Variants in ASTN1 observed in about 807,000 individuals in gnomAD.
ASTN1 encodes astrotactin-1.
ASTN1 carries 41 observed loss-of-function variants against 140.7 expected under a neutral mutation model. The observed-to-expected ratio is 0.29, with a 90% confidence interval of 0.23 to 0.38. The LOEUF (loss-of-function observed/expected upper bound fraction) is 0.38, where lower values mean the gene tolerates loss of function less well. Among genes scored for constraint, ASTN1 ranks in the 10% least tolerant of loss-of-function variants. ASTN1 has a pLI of 1.00. For missense variants in ASTN1, 1,479 were observed against 1,678.8 expected (o/e 0.88, Z 2.08); for synonymous variants, 640 against 652.2 (o/e 0.98, Z 0.29).
chr1:176,917,465 G>A (rs1571506355), intron 16 of ASTN1, among the ~76,000 whole-genome samples: 2 of 152,272 alleles, frequency 1.3e-5, no homozygotes, highest in Middle Eastern at 3.4e-3. Flanking sequence ...GTGGGAAGAC[G>A]TGCTTATCCT....
At chr1:177,127,503 G>A (rs1028644784) in intron 1 of ASTN1, among the ~76,000 whole-genome samples, 3 of 152,052 alleles carry the variant, frequency 2.0e-5, no homozygotes, top group South Asian at 2.1e-4. Context: ...CACCCACCAC[G>A]TCCATTGGGG....
chr1:176,971,129 T>G (rs1374358687), intron 8 of ASTN1, among the ~76,000 whole-genome samples: 1 of 152,058 alleles, frequency 6.6e-6, no homozygotes, highest in East Asian at 1.9e-4. Flanking sequence ...GCAAGAAGGG[T>G]GTAGTGAAAC....
chr1:176,911,562 AC>A (rs1397551067), intron 16 of ASTN1, among the ~76,000 whole-genome samples: 1 of 151,414 alleles, frequency 6.6e-6, no homozygotes, highest in Non-Finnish European at 1.5e-5. Context: ...TACTTTGTAA[AC>A]TTTTTTGTTA....
In ASTN1 at chr1:176,862,865, C is replaced by T; in HGVS notation, c.*1419G>A. ...AAAACCAATATAGCTCAATGACTAG[C>T]CTTATAGGTCTTGCATCTGTTTGCT... On this transcript the variant is annotated 3_prime_UTR_variant, in exon 23 of 23. Transcript: ENST00000361833. 1 of 985,440 alleles carries T rather than the reference C, an allele frequency of 1.0e-6. No individual in the cohort carries two copies. The highest frequency in any genetic ancestry group is 1.1e-4 in the East Asian group (1 of 8,808). 61.0% of individuals were successfully genotyped at this position (985,440 alleles called of 1,614,324 possible). A position where few individuals can be genotyped will look rare whatever the true frequency, so the allele number is the denominator to read the frequency against.
chr1:177,110,595 A>C (rs1427846637), intron 1 of ASTN1, among the ~76,000 whole-genome samples: 1 of 152,224 alleles, frequency 6.6e-6, no homozygotes, highest in East Asian at 1.9e-4. Flanking sequence ...AGTACCTACT[A>C]TGTGCAAGGT....
chr1:177,000,591 A>G (rs1005326012), intron 8 of ASTN1, among the ~76,000 whole-genome samples: 3 of 152,244 alleles, frequency 2.0e-5, no homozygotes, highest in African/African-American at 7.2e-5. Flanking sequence ...ACTTTACAGT[A>G]GATGAGTATA....
chr1:176,942,779 T>C (rs1271451999), intron 14 of ASTN1, among the ~76,000 whole-genome samples: 1 of 139,054 alleles, frequency 7.2e-6, no homozygotes, highest in African/African-American at 2.6e-5. Flanking sequence ...CTTCCAGTTG[T>C]CCCACCTTTC....
chr1:177,162,606 T>A (rs982442372), intron 1 of ASTN1, among the ~76,000 whole-genome samples: 3 of 152,140 alleles, frequency 2.0e-5, no homozygotes, highest in Admixed American at 1.3e-4. Flanking sequence ...AAAAAAGAAA[T>A]GAAATGTTGA....
rs550956423 is a variant in ASTN1, at chr1:177,075,643, T to C, written c.284-14378A>G. ...TTTCTTTCTTTTCTTTTCTTTTCTT[T>C]TCTTTTTTTTTTTTTTTTTTTGAGA... is the stretch of plus-strand genomic sequence containing the variant. On this transcript the variant is annotated intron_variant, in intron 1 of 22. Transcript: ENST00000361833. Among the ~76,000 whole-genome samples, 19 of 125,974 alleles carry C rather than the reference T, an allele frequency of 1.5e-4. 1 individual carries two copies. In the South Asian group the frequency reaches 5.0e-3, roughly 33 times the overall value. The allele number at this position is 125,974 out of a possible 152,430, so 82.6% of individuals were successfully genotyped here. A position where few individuals can be genotyped will look rare whatever the true frequency, so the allele number is the denominator to read the frequency against.
At chr1:176,895,234 T>C (rs996229106) in intron 16 of ASTN1, among the ~76,000 whole-genome samples, 4 of 152,248 alleles carry the variant, frequency 2.6e-5, no homozygotes, top group East Asian at 1.9e-4. Context: ...CAATTCCTTT[T>C]ATAAAGCACA....
At chr1:176,991,458 ACCAACAAC>A (rs1674170449) in intron 8 of ASTN1, among the ~76,000 whole-genome samples, 2 of 143,350 alleles carry the variant, frequency 1.4e-5, no homozygotes, top group Admixed American at 7.1e-5. Context: ...AAAAAAAAAA[ACCAACAAC>A]AAAACAAAAA....
In ASTN1 at chr1:177,027,758, GTGTGTA is replaced by G. The variant is rs1413863197; in HGVS notation, c.1120+1870_1120+1875del. Among the ~76,000 whole-genome samples, 5 of 133,806 alleles carry G rather than the reference GTGTGTA, an allele frequency of 3.7e-5. No homozygotes were observed. In the East Asian group the frequency reaches 6.6e-4, roughly 18 times the overall value. 87.8% of individuals were successfully genotyped at this position (133,806 alleles called of 152,430 possible). A position where few individuals can be genotyped will look rare whatever the true frequency, so the allele number is the denominator to read the frequency against. ...TGTGTGTGTGTGTGTGTGTGTGTGT[GTGTGTA>G]TGTGTATATATACATATATATAAAA... On this transcript the variant is annotated intron_variant, in intron 5 of 22. Coordinates refer to ENST00000361833, the MANE Select transcript of ASTN1 (RefSeq NM_004319.3).
chr1:177,095,806 C>T (rs955616336), intron 1 of ASTN1, among the ~76,000 whole-genome samples: 1 of 152,140 alleles, frequency 6.6e-6, no homozygotes, highest in Admixed American at 6.5e-5. Flanking sequence ...CAACTCCAGA[C>T]CAGTAGAGAC....
intron 1 of ASTN1, among the ~76,000 whole-genome samples, chr1:177,083,137 C>T (rs568094413): frequency 2.0e-5 from 3 of 151,890 alleles, no homozygotes; most frequent in East Asian, 1.9e-4. Context: ...ACATTTGTAC[C>T]GAGAGGCAAG....
Position 176,934,242 on chromosome 1 carries a change from T to G in ASTN1, c.2581A>C (p.Ile861Leu). 11 of 1,614,100 alleles carry G rather than the reference T, an allele frequency of 6.8e-6. No homozygotes were observed. Among genetic ancestry groups the G allele is most frequent in the Non-Finnish European group, 8.5e-6 (10 of 1,179,992 alleles). ...QFGNHYIQEA[I>L]YGFEESCSIW... ...GAACAGGACTCCTCAAAGCCGTAGA[T>G]AGCTTCCTGGATGTAATGGTTGCCG... The change falls in exon 16 of 23, where the codon ATC becomes CTC. Residue 861 changes from isoleucine (I) to leucine (L), a missense_variant. Around this residue, in one of 3 missense-constraint regions of ASTN1, gnomAD observed 746 missense variants for 800.9 expected, o/e 0.93. Coordinates refer to ENST00000361833, the MANE Select transcript of ASTN1 (RefSeq NM_004319.3).
At chr1:176,909,851 A>C (rs1210614507) in intron 16 of ASTN1, among the ~76,000 whole-genome samples, 2 of 152,188 alleles carry the variant, frequency 1.3e-5, no homozygotes, top group Non-Finnish European at 2.9e-5. Flanking sequence ...TCACAAACCC[A>C]CAGAAAAATA....
chr1:177,041,024 G>A (rs1392682596), intron 2 of ASTN1, among the ~76,000 whole-genome samples: 1 of 152,154 alleles, frequency 6.6e-6, no homozygotes, highest in Non-Finnish European at 1.5e-5. Context: ...GCTGCTTAGA[G>A]ATCTCTCATC....
chr1:176,919,852 A>G (rs562271956), intron 16 of ASTN1, among the ~76,000 whole-genome samples: 1 of 152,086 alleles, frequency 6.6e-6, no homozygotes, highest in Non-Finnish European at 1.5e-5. Context: ...CTGAAGAAAA[A>G]CCCCAAGGAC....
At chr1:176,912,497 G>T (rs1172479399) in intron 16 of ASTN1, among the ~76,000 whole-genome samples, 6 of 152,074 alleles carry the variant, frequency 3.9e-5, no homozygotes, top group Non-Finnish European at 5.9e-5. Context: ...GACCAGATTT[G>T]CCTGCAGGTC....
Sources: allele counts gnomAD v4.1 joint callset (sites outside exome capture counted in the v4.1 genomes callset), GRCh38; gene constraint gnomAD v4.1.1; regional missense constraint gnomAD v4.1.1; transcripts MANE v1.5; gene names NCBI Gene and HGNC (gene_info 2026-07-23, HGNC 2026-07-21).